Variants in RANBP2 observed in about 807,000 individuals in gnomAD.
RANBP2 encodes RAN binding protein 2, also known as E3 SUMO-protein ligase RanBP2.
RANBP2 carries 57 observed loss-of-function variants against 303.6 expected under a neutral mutation model. The observed-to-expected ratio is 0.19, with a 90% CI of 0.15 to 0.23. The LOEUF (loss-of-function observed/expected upper bound fraction) is 0.23, where lower values mean the gene tolerates loss of function less well. Ranked by LOEUF, RANBP2 falls within the 10% of genes least tolerant of loss-of-function variation. The probability of loss-of-function intolerance (pLI) is 1.00; values close to 1 mark genes in which losing one functional copy is unlikely to be tolerated. For synonymous variants in RANBP2, 1,167 were observed against 1,301.5 expected (o/e 0.90, Z 2.23); for missense variants, 3,138 against 3,780.8 (o/e 0.83, Z 4.46).
the RANBP2 span, among the ~76,000 whole-genome samples, chr2:109,704,413 G>T: frequency 0.1 from 15,469 of 152,094 alleles, 916 homozygotes; most frequent in African/African-American, 0.17. Flanking sequence ...AGCTGGGTGT[G>T]GTGGCACGCG....
At chr2:108,758,014 A>G (rs1012427757) in intron 17 of RANBP2, among the ~76,000 whole-genome samples, 4 of 152,204 alleles carry the variant, frequency 2.6e-5, no homozygotes, top group Admixed American at 1.3e-4. Context: ...AGATATAATC[A>G]GGTCCGGGCG....
chr2:108,981,073 G>A, the RANBP2 span, among the ~76,000 whole-genome samples: 5 of 152,274 alleles, frequency 3.3e-5, no homozygotes, highest in South Asian at 2.1e-4. Context: ...ATGTGCTCAC[G>A]GCCCGCTCTA....
chr2:109,388,479 GC>G, the RANBP2 span, among the ~76,000 whole-genome samples: 1 of 152,172 alleles, frequency 6.6e-6, no homozygotes, highest in East Asian at 1.9e-4. Flanking sequence ...CCCCAGCCAG[GC>G]CCCCCAGGTA....
At chr2:108,982,237 G>A in the RANBP2 span, among the ~76,000 whole-genome samples, 3 of 152,192 alleles carry the variant, frequency 2.0e-5, no homozygotes, top group Non-Finnish European at 4.4e-5. Flanking sequence ...ATGTTCCAGG[G>A]TAAACAGGAA....
At chr2:109,295,934 G>A in the RANBP2 span, among the ~76,000 whole-genome samples, 5,690 of 152,220 alleles carry the variant, frequency 0.037, 267 homozygotes, top group African/African-American at 0.1. Flanking sequence ...TGCCTGTGCC[G>A]ACACTGCTCC....
the RANBP2 span, among the ~76,000 whole-genome samples, chr2:109,037,600 C>T: frequency 5.9e-5 from 9 of 152,060 alleles, no homozygotes; most frequent in South Asian, 2.1e-4. Flanking sequence ...AATGTAAAGT[C>T]GGCAAGGTAG....
At chr2:109,256,447 C>T in the RANBP2 span, among the ~76,000 whole-genome samples, 2 of 151,844 alleles carry the variant, frequency 1.3e-5, no homozygotes, top group Non-Finnish European at 2.9e-5. Context: ...TTGACTGAAA[C>T]AGGGAGACGA....
the RANBP2 span, chr2:109,419,517 G>C: frequency 1.3e-6 from 2 of 1,573,346 alleles, no homozygotes; most frequent in Non-Finnish European, 1.7e-6. Flanking sequence ...CCTCACTCCT[G>C]TCCCCTCTTG....
chr2:109,157,564 T>C, the RANBP2 span, among the ~76,000 whole-genome samples: 1 of 152,212 alleles, frequency 6.6e-6, no homozygotes, highest in Non-Finnish European at 1.5e-5. Flanking sequence ...AAAGATTTCC[T>C]TGGTCTCATC....
At chr2:109,616,535 G>GT in the RANBP2 span, 1 of 167,082 alleles carries the variant, frequency 6.0e-6, no homozygotes, top group Non-Finnish European at 1.5e-5. Flanking sequence ...AGGCTGCCCC[G>GT]TTTTTACTAA....
chr2:109,471,081 G>A, the RANBP2 span, among the ~76,000 whole-genome samples: 2 of 151,970 alleles, frequency 1.3e-5, no homozygotes, highest in African/African-American at 4.8e-5. Context: ...TTAGTTGGGT[G>A]TGTTGGCAGG....
At chr2:109,285,176 G>A in the RANBP2 span, among the ~76,000 whole-genome samples, 3 of 152,234 alleles carry the variant, frequency 2.0e-5, no homozygotes, top group East Asian at 3.9e-4. Context: ...TTTAAAGAAG[G>A]AACAAATTGA....
the RANBP2 span, among the ~76,000 whole-genome samples, chr2:109,196,427 C>T: frequency 6.6e-6 from 1 of 152,200 alleles, no homozygotes. Flanking sequence ...TGTGGCATGG[C>T]TTCCACAGCC....
chr2:108,962,517 CA>C, the RANBP2 span, among the ~76,000 whole-genome samples: 2 of 150,938 alleles, frequency 1.3e-5, no homozygotes, highest in African/African-American at 4.9e-5. Flanking sequence ...ACTAAAAATA[CA>C]AAAAAAATTA....
At chr2:109,613,127 A>G in the RANBP2 span, 2 of 1,270,250 alleles carry the variant, frequency 1.6e-6, no homozygotes, top group Non-Finnish European at 2.1e-6. Context: ...AGCCTTTGGA[A>G]AACTCGATGT....
the RANBP2 span, among the ~76,000 whole-genome samples, chr2:109,412,530 A>G: frequency 6.6e-6 from 1 of 152,266 alleles, no homozygotes; most frequent in Admixed American, 6.5e-5. Context: ...GCTGCAGAGC[A>G]GAGTGCCAGT....
the RANBP2 span, among the ~76,000 whole-genome samples, chr2:109,761,250 G>GCTGCATCCTTTCTGTCTCTC: frequency 6.8e-6 from 1 of 147,662 alleles, no homozygotes; most frequent in East Asian, 2.1e-4. Flanking sequence ...CCCGGTCTCG[G>GCTGCATCCTTTCTGTCTCTC]CTGCATCCTT....
chr2:108,919,737 C>T, the RANBP2 span, among the ~76,000 whole-genome samples: 8 of 152,112 alleles, frequency 5.3e-5, no homozygotes, highest in Non-Finnish European at 1.2e-4. Context: ...GAACTGTAGC[C>T]GGGCCAGAGC....
the RANBP2 span, chr2:108,910,587 T>C: frequency 6.7e-7 from 1 of 1,503,580 alleles, no homozygotes; most frequent in Non-Finnish European, 9.2e-7. Context: ...CTCATGGCTC[T>C]GCGCTCAGCC....
Sources: gnomAD v4.1 joint callset for allele counts (sites outside exome capture counted in the v4.1 genomes callset) on GRCh38, gnomAD v4.1.1 for gene constraint, MANE v1.5 for transcripts, NCBI Gene and HGNC (gene_info 2026-07-23, HGNC 2026-07-21) for gene names.